Variants in HDAC8 observed in about 807,000 individuals in gnomAD.
The protein encoded by HDAC8 is histone deacetylase-like 1.
Under a neutral mutation model 32.2 loss-of-function variants are expected in HDAC8, and 1 was observed. The observed-to-expected ratio is 0.03, with a 90% CI of 0.01 to 0.15. The LOEUF (loss-of-function observed/expected upper bound fraction) is 0.15. Ranked by LOEUF, HDAC8 falls within the 10% of genes least tolerant of loss-of-function variation. The pLI is 1.00. For synonymous variants in HDAC8, 108 were observed against 113.9 expected (o/e 0.95, Z 0.33); for missense variants, 117 against 300.0 (o/e 0.39, Z 4.51).
At position 72,511,419 on chromosome X, in the gene HDAC8, C is replaced by T. The variant is rs1207143225; in HGVS notation, c.438-16151G>A. On this transcript the variant is annotated intron_variant, in intron 4 of 10. Coordinates refer to ENST00000373573, the MANE Select transcript of HDAC8 (RefSeq NM_018486.3). ...ATTGATGGAAATTGTGCCGGCTCAA[C>T]CTTTCTAGTTAAAAGCACCGGCAAA... Among the ~76,000 whole-genome samples, 3 of 111,622 alleles carry T rather than the reference C, an allele frequency of 2.7e-5. No homozygotes were observed. The South Asian group carries it at 1.1e-3, about 43-fold the overall frequency.
At chrX:72,506,447 G>C (rs1556019072) in intron 4 of HDAC8, among the ~76,000 whole-genome samples, 1 of 111,593 alleles carries the variant, frequency 9.0e-6, no homozygotes, top group Non-Finnish European at 1.9e-5. Flanking sequence ...CATGGTGAGA[G>C]AGAAAGCAAG....
intron 10 of HDAC8, among the ~76,000 whole-genome samples, chrX:72,337,577 T>G (rs73554656): frequency 0.098 from 10,813 of 110,888 alleles, 776 homozygotes; most frequent in African/African-American, 0.25. Context: ...CCTTCACTGC[T>G]GTAACTGTAC....
intron 2 of HDAC8, among the ~76,000 whole-genome samples, chrX:72,571,037 G>A (rs1426979441): frequency 1.9e-4 from 21 of 111,900 alleles, no homozygotes; most frequent in African/African-American, 6.5e-4. Flanking sequence ...CCATTCTCCT[G>A]CCTCAGCCTC....
chrX:72,427,830 T>G (rs782612572), intron 9 of HDAC8, among the ~76,000 whole-genome samples: 2 of 111,515 alleles, frequency 1.8e-5, no homozygotes, highest in South Asian at 7.6e-4. Flanking sequence ...GCCAAAAAAA[T>G]GTAGGAAAAA....
intron 9 of HDAC8, among the ~76,000 whole-genome samples, chrX:72,428,061 G>A (rs1165226057): frequency 8.9e-6 from 1 of 112,218 alleles, no homozygotes; most frequent in African/African-American, 3.2e-5. Context: ...TTAAACCAAT[G>A]ATTCCATGTC....
intron 9 of HDAC8, among the ~76,000 whole-genome samples, chrX:72,444,218 G>GGA (rs2047290517): frequency 2.1e-5 from 2 of 94,623 alleles, no homozygotes; most frequent in Admixed American, 2.4e-4. Context: ...CCAAAGCCCA[G>GGA]CAGAGACACA....
intron 4 of HDAC8, among the ~76,000 whole-genome samples, chrX:72,498,004 T>C (rs782298068): frequency 1.8e-5 from 2 of 110,956 alleles, no homozygotes; most frequent in Middle Eastern, 4.6e-3. Context: ...AAAGGATGCA[T>C]ATAGATATAG....
intron 4 of HDAC8, among the ~76,000 whole-genome samples, chrX:72,495,683 A>G (rs2048999451): frequency 8.9e-6 from 1 of 111,878 alleles, no homozygotes; most frequent in African/African-American, 3.2e-5. Context: ...AATCTTGCTC[A>G]GCCAGATGTA....
intron 9 of HDAC8, among the ~76,000 whole-genome samples, chrX:72,414,556 A>G (rs2046284326): frequency 8.9e-6 from 1 of 112,638 alleles, no homozygotes; most frequent in Admixed American, 9.4e-5. Context: ...GTACTTGAAG[A>G]AAGTTGCAAT....
chrX:72,572,756 C>A lies in HDAC8; in HGVS notation c.6G>T (p.Glu2Asp). Residue 2 changes from glutamate to aspartate, a missense_variant, in exon 1 of 11, where the codon GAG becomes GAT. Coordinates refer to ENST00000373573, the MANE Select transcript of HDAC8 (RefSeq NM_018486.3). M[E>D]EPEEPADSGQ... The stretch of plus-strand genomic sequence containing the variant: ...CACTGTCCGCCGGTTCCTCCGGCTC[C>A]TCCATCTTCCGCTTAAAACCGTTCC... 8.3e-7 allele frequency: 1 copy of A among 1,207,536 alleles called. No homozygotes were observed.
chrX:72,496,474 A>C (rs1556013188), intron 4 of HDAC8, among the ~76,000 whole-genome samples: 1 of 111,322 alleles, frequency 9.0e-6, no homozygotes, highest in Admixed American at 9.7e-5. Context: ...TTAAAGAAAA[A>C]GATTTCTCCA....
In HDAC8 at chrX:72,548,148, T is replaced by A. The variant is rs191383954; in HGVS notation, c.437+19741A>T. 2.2e-3 allele frequency among the ~76,000 whole-genome samples: 250 copies of A among 111,949 alleles called. 1 individual carries two copies. Among genetic ancestry groups the A allele is most frequent in the African/African-American group, 7.6e-3 (234 of 30,774 alleles). ...TTTTCCTACAAACATCTAACCGTGT[T>A]ACTTCCTAACACAATTTTTCAGTGG... On this transcript the variant is annotated intron_variant, in intron 4 of 10. Transcript: ENST00000373573.
At chrX:72,452,385 G>A (rs1023488121) in intron 9 of HDAC8, among the ~76,000 whole-genome samples, 1 of 112,301 alleles carries the variant, frequency 8.9e-6, no homozygotes, top group Non-Finnish European at 1.9e-5. Context: ...GCACCTGGGA[G>A]GCGGAGGTTG....
At chrX:72,462,443 C>G (rs1555992111) in intron 8 of HDAC8, 1 of 145,658 alleles carries the variant, frequency 6.9e-6, no homozygotes, top group East Asian at 1.6e-4. Flanking sequence ...TTGAGGTGAT[C>G]TACCCAATGG....
chrX:72,538,682 C>T lies in HDAC8; in HGVS notation c.437+29207G>A, dbSNP rs782232504. Among the ~76,000 whole-genome samples, 14 of 111,598 alleles carry T rather than the reference C, an allele frequency of 1.3e-4. No individual in the cohort carries two copies. The East Asian group carries it at 3.9e-3, about 31-fold the overall frequency. On this transcript the variant is annotated intron_variant, in intron 4 of 10. Coordinates refer to ENST00000373573, the MANE Select transcript of HDAC8 (RefSeq NM_018486.3). The stretch of plus-strand genomic sequence containing the variant: ...TGACAACAGAAAACAAATAGAAAGG[C>T]TTACTCTGGAGTCTATACTGTATTA...
At chrX:72,446,843 A>T (rs1271549760) in intron 9 of HDAC8, among the ~76,000 whole-genome samples, 1 of 112,007 alleles carries the variant, frequency 8.9e-6, no homozygotes, top group African/African-American at 3.2e-5. Context: ...TCTAGAAAAA[A>T]AATGGATAAA....
intron 9 of HDAC8, among the ~76,000 whole-genome samples, 181 bp downstream of exon 9, chrX:72,461,823 A>C (rs1365996243): frequency 2.7e-5 from 3 of 111,888 alleles, no homozygotes; most frequent in Non-Finnish European, 5.6e-5. Flanking sequence ...AAAAAACAAA[A>C]AGGCAGAAGG....
In HDAC8 at chrX:72,523,914, G is replaced by A. The variant is rs782065818; in HGVS notation, c.438-28646C>T. Among the ~76,000 whole-genome samples the A allele has an allele frequency of 1.8e-4, 20 of 111,537 alleles. No individual in the cohort carries two copies. The East Asian group carries it at 5.4e-3, about 30-fold the overall frequency. ...TGTAAGAGTTGGGACTCAAACTCAG[G>A]TCTTGTCTGACACCAGGTAGGACTA... On this transcript the variant is annotated intron_variant, in intron 4 of 10. Transcript: ENST00000373573.
intron 7 of HDAC8, among the ~76,000 whole-genome samples, chrX:72,465,362 T>C (rs1032925506): frequency 8.1e-5 from 9 of 111,288 alleles, no homozygotes; most frequent in African/African-American, 2.9e-4. Context: ...GAACAAATTG[T>C]AGTGTAACAA....
Sources: allele counts gnomAD v4.1 joint callset (sites outside exome capture counted in the v4.1 genomes callset), GRCh38; gene constraint gnomAD v4.1.1; transcripts MANE v1.5; gene names NCBI Gene and HGNC (gene_info 2026-07-23, HGNC 2026-07-21).